The following MAPKAP1 variants were observed in gnomAD, a reference collection of about 807,000 sequenced individuals.
MAPKAP1 encodes MAPK associated protein 1, also known as target of rapamycin complex 2 subunit MAPKAP1.
Under a neutral mutation model 65.7 loss-of-function variants are expected in MAPKAP1, and 20 were observed. That is an observed-to-expected ratio of 0.30 (90% CI 0.21 to 0.44). The LOEUF (loss-of-function observed/expected upper bound fraction) is 0.44, where lower values mean the gene tolerates loss of function less well. Among genes scored for constraint, MAPKAP1 ranks in the 20% least tolerant of loss-of-function variants. The pLI is 1.00. For missense variants in MAPKAP1, 423 were observed against 648.0 expected (o/e 0.65, Z 3.77); for synonymous variants, 222 against 244.3 (o/e 0.91, Z 0.85).
At chr9:125,655,572 C>T (rs568114985) in intron 4 of MAPKAP1, among the ~76,000 whole-genome samples, 34 of 152,196 alleles carry the variant, frequency 2.2e-4, no homozygotes, top group African/African-American at 4.6e-4. Flanking sequence ...ATCATATTGA[C>T]GCATTTCACA....
At chr9:125,453,493 C>T (rs935284862) in intron 10 of MAPKAP1, among the ~76,000 whole-genome samples, 11 of 152,226 alleles carry the variant, frequency 7.2e-5, no homozygotes, top group African/African-American at 2.4e-4. Flanking sequence ...GCCAGACTCC[C>T]GCAGATATGT....
At chr9:125,459,183 C>A (rs557006230) in intron 10 of MAPKAP1, among the ~76,000 whole-genome samples, 1 of 146,644 alleles carries the variant, frequency 6.8e-6, no homozygotes, top group African/African-American at 2.5e-5. Flanking sequence ...GACGGGGCGG[C>A]GGGGCAGAGG....
chr9:125,472,151 A>G (rs1853948098), intron 9 of MAPKAP1, among the ~76,000 whole-genome samples: 1 of 152,158 alleles, frequency 6.6e-6, no homozygotes, highest in Non-Finnish European at 1.5e-5. Context: ...CAGCCACTAC[A>G]CTATTCTGCA....
rs112650604 is a variant in MAPKAP1, at chr9:125,498,519, C to T, written c.1066+7791G>A. Among the ~76,000 whole-genome samples, 1,498 of 151,968 alleles carry T rather than the reference C, an allele frequency of 9.9e-3. 31 individuals carry two copies. Among genetic ancestry groups the T allele is most frequent in the African/African-American group, 0.034 (1,404 of 41,428 alleles). On this transcript the variant is annotated intron_variant, in intron 8 of 11. Transcript: ENST00000265960. ...TGCCTTACAATAGTAGGCCCAAATA[C>T]GTAATTTTTAAAAACACCCTTTTCT...
chr9:125,687,936 T>A (rs1835033259), intron 1 of MAPKAP1, among the ~76,000 whole-genome samples: 1 of 152,246 alleles, frequency 6.6e-6, no homozygotes, highest in African/African-American at 2.4e-5. Context: ...CAACTCCTGA[T>A]GAACAAAAGA....
chr9:125,616,712 A>G (rs1210418667), intron 4 of MAPKAP1, among the ~76,000 whole-genome samples: 3 of 152,072 alleles, frequency 2.0e-5, no homozygotes, highest in Admixed American at 6.5e-5. Flanking sequence ...ACACTGACGC[A>G]CTGCTGGAGG....
intron 4 of MAPKAP1, among the ~76,000 whole-genome samples, chr9:125,638,464 G>A (rs1450871996): frequency 6.6e-6 from 1 of 152,180 alleles, no homozygotes; most frequent in African/African-American, 2.4e-5. Context: ...GTCTCACTTT[G>A]GAAACAATCC....
chr9:125,552,041 C>T (rs1191631828), intron 6 of MAPKAP1, among the ~76,000 whole-genome samples: 1 of 152,232 alleles, frequency 6.6e-6, no homozygotes, highest in African/African-American at 2.4e-5. Flanking sequence ...ATTCCTCCCA[C>T]TCCCTACTTC....
Position 125,522,270 on chromosome 9 carries a change from C to T in MAPKAP1, c.959-15853G>A, listed in dbSNP as rs115732260. Among the ~76,000 whole-genome samples, 628 of 152,316 alleles carry T rather than the reference C, an allele frequency of 4.1e-3. 6 individuals carry two copies. Among genetic ancestry groups the T allele is most frequent in the African/African-American group, 0.014 (602 of 41,556 alleles). Reference sequence around the variant, plus strand: ...TTTGCTTCTAATTTTACAGGACAATCAACTATAAACTTATCATCCTTCCAT... The same window carrying T: ...TTTGCTTCTAATTTTACAGGACAATTAACTATAAACTTATCATCCTTCCAT... On this transcript the variant is annotated intron_variant, in intron 7 of 11. Transcript: ENST00000265960.
rs186032688 is a variant in MAPKAP1 at position 125,689,326 on chromosome 9, A to G, written c.-69-16683T>C. On this transcript the variant is annotated intron_variant, in intron 1 of 11. Coordinates refer to ENST00000265960, the MANE Select transcript of MAPKAP1 (RefSeq NM_001006617.3). ...GTGGCGGGCGCCTGTAGTCCCAGCTACTCAGGAGGCTGAGGCAGAAGAATG... is the reference window on the plus strand; with the variant it reads ...GTGGCGGGCGCCTGTAGTCCCAGCTGCTCAGGAGGCTGAGGCAGAAGAATG... Among the ~76,000 whole-genome samples, 336 of 150,944 alleles carry G rather than the reference A, an allele frequency of 2.2e-3. 1 individual carries two copies. Among genetic ancestry groups the G allele is most frequent in the African/African-American group, 7.8e-3 (320 of 41,044 alleles).
chr9:125,658,248 A>G (rs1175685208), intron 3 of MAPKAP1, among the ~76,000 whole-genome samples: 1 of 152,222 alleles, frequency 6.6e-6, no homozygotes, highest in Non-Finnish European at 1.5e-5. Context: ...CAAGATCTGC[A>G]TATTAATTCT....
Position 125,438,296 on chromosome 9 carries a change from A to C in MAPKAP1, c.*591T>G. The stretch of plus-strand genomic sequence containing the variant: ...TAGTAAGACACTACCCTCGAAGCAA[A>C]TGCACTCATTTAAACAAATGGCATA... On this transcript the variant is annotated 3_prime_UTR_variant, in exon 12 of 12. Transcript: ENST00000265960. The C allele has an allele frequency of 2.5e-6, 1 of 398,656 alleles. No individual in the cohort carries two copies. Among genetic ancestry groups the C allele is most frequent in the Non-Finnish European group, 4.4e-6 (1 of 226,114 alleles). 24.7% of individuals were successfully genotyped at this position (398,656 alleles called of 1,614,324 possible). A position where few individuals can be genotyped will look rare whatever the true frequency, so the allele number is the denominator to read the frequency against.
chr9:125,582,110 C>G (rs1831643517), intron 5 of MAPKAP1, among the ~76,000 whole-genome samples: 1 of 152,128 alleles, frequency 6.6e-6, no homozygotes, highest in Non-Finnish European at 1.5e-5. Flanking sequence ...TCAGCTCATT[C>G]TCTCTTGAAT....
intron 1 of MAPKAP1, chr9:125,696,129 CCAAA>C (rs1835376522): frequency 6.6e-6 from 1 of 152,214 alleles, no homozygotes; most frequent in East Asian, 1.9e-4. Context: ...AAACTGAAAT[CCAAA>C]CAAACGTGAT....
intron 4 of MAPKAP1, among the ~76,000 whole-genome samples, chr9:125,612,971 G>C (rs1832645998): frequency 6.6e-6 from 1 of 152,142 alleles, no homozygotes; most frequent in Non-Finnish European, 1.5e-5. Context: ...TCCTGAGAAA[G>C]GTAAACAGAG....
intron 5 of MAPKAP1, among the ~76,000 whole-genome samples, chr9:125,580,150 T>G (rs1269793159): frequency 6.6e-6 from 1 of 152,140 alleles, no homozygotes; most frequent in Non-Finnish European, 1.5e-5. Flanking sequence ...GATCTAGAAC[T>G]AGAAATACCA....
intron 8 of MAPKAP1, among the ~76,000 whole-genome samples, chr9:125,486,650 A>C (rs1854508300): frequency 1.3e-5 from 2 of 152,198 alleles, no homozygotes; most frequent in African/African-American, 4.8e-5. Context: ...CAAACACTAC[A>C]GTAATTCCCA....
intron 7 of MAPKAP1, among the ~76,000 whole-genome samples, chr9:125,509,585 G>T (rs768005731): frequency 6.6e-6 from 1 of 152,120 alleles, no homozygotes; most frequent in Admixed American, 6.5e-5. Flanking sequence ...AAGCAGACAC[G>T]ATCTGTTTAT....
At chr9:125,458,695 C>T (rs1398112449) in intron 10 of MAPKAP1, among the ~76,000 whole-genome samples, 1 of 150,008 alleles carries the variant, frequency 6.7e-6, no homozygotes, top group Non-Finnish European at 1.5e-5. Context: ...ACAAAACCGC[C>T]ATCGTCATCC....
Sources: gnomAD v4.1 joint callset for allele counts (sites outside exome capture counted in the v4.1 genomes callset) on GRCh38, gnomAD v4.1.1 for gene constraint, MANE v1.5 for transcripts, NCBI Gene and HGNC (gene_info 2026-07-23, HGNC 2026-07-21) for gene names.